Variants in WDR75 observed in about 807,000 individuals in gnomAD.
WDR75 encodes the protein WD repeat domain 75, also known as WD repeat-containing protein 75.
Under a neutral mutation model 106.1 loss-of-function variants are expected in WDR75, and 52 were observed. The observed-to-expected ratio is 0.49, with a 90% CI of 0.39 to 0.62. The LOEUF (loss-of-function observed/expected upper bound fraction) is 0.62, where lower values mean the gene tolerates loss of function less well. Among genes scored for constraint, WDR75 ranks in the 20% least tolerant of loss-of-function variants. The pLI is 0.00. For missense variants in WDR75, 905 were observed against 970.3 expected (o/e 0.93, Z 0.89); for synonymous variants, 333 against 335.5 (o/e 0.99, Z 0.08).
intron 8 of WDR75, 23 bp from the exon 9 acceptor site, chr2:189,462,461 A>G: frequency 6.2e-7 from 1 of 1,600,330 alleles, no homozygotes; most frequent in Non-Finnish European, 8.5e-7. Flanking sequence ...CCATCCTTTT[A>G]ATTTCCTTGA....
intron 1 of WDR75, among the ~76,000 whole-genome samples, chr2:189,443,035 A>G (rs1686419247): frequency 6.6e-6 from 1 of 152,234 alleles, no homozygotes; most frequent in African/African-American, 2.4e-5. Context: ...TCATTTTTTA[A>G]GTACTTGTCA....
chr2:189,459,459 G>A, intron 8 of WDR75, 35 bp downstream of exon 8: 1 of 1,555,570 alleles, frequency 6.4e-7, no homozygotes, highest in Non-Finnish European at 8.8e-7. Context: ...ATGAACTTTT[G>A]AAGATATGAT....
intron 4 of WDR75, 113 bp from the exon 5 acceptor site, chr2:189,455,207 C>T (rs1354898845): frequency 3.0e-6 from 4 of 1,328,550 alleles, no homozygotes; most frequent in Non-Finnish European, 4.0e-6. Context: ...CGCCACTGCA[C>T]TCCAGCCTGG....
In WDR75 at chr2:189,475,316, A is replaced by C; in HGVS notation, c.2392A>C (p.Thr798Pro). The change falls in exon 21 of 21, where the codon ACA becomes CCA. Residue 798 changes from threonine to proline, a missense_variant. Physicochemically the swap from Thr to Pro is conservative, Grantham distance 38. Transcript: ENST00000314761. ...FTEKVQDTSN[T>P]GLGEDIIHQL... ...CGAAAAAGTCCAGGATACAAGTAAC[A>C]CAGGTTTAGGAGAAGACATTATACA... 3 of 1,612,582 alleles carry C rather than the reference A, an allele frequency of 1.9e-6. No homozygotes were observed. The highest frequency in any genetic ancestry group is 2.5e-6 in the Non-Finnish European group (3 of 1,178,938).
chr2:189,467,529 C>T lies in WDR75; in HGVS notation c.1509C>T (p.Asn503=). ...VGSYHKYQAT[N]CCFSEDGSLL... ...GTTATCACAAGTATCAAGCAACTAA[C>T]TGTTGTTTCTCCGAAGATGGTTCTT... The change falls in exon 14 of 21, where the codon AAC becomes AAT. Residue 503 remains asparagine, a synonymous_variant. Coordinates refer to ENST00000314761, the MANE Select transcript of WDR75 (RefSeq NM_032168.3). 1 of 1,610,948 alleles carries T rather than the reference C, an allele frequency of 6.2e-7. No homozygotes were observed. Among genetic ancestry groups the T allele is most frequent in the Non-Finnish European group, 8.5e-7 (1 of 1,178,446 alleles).
At position 189,467,588 on chromosome 2, in the gene WDR75, T is replaced by C. The variant is rs1011735577; in HGVS notation, c.1568T>C (p.Ile523Thr). ...GTTAGTTTTGAGGAAATAGTCACAA[T>C]ATGGGATTCTGTAACATGGGAACTT... is the stretch of plus-strand genomic sequence containing the variant. ...LAVSFEEIVT[I>T]WDSVTWELKC... The change falls in exon 14 of 21, where the codon ATA (isoleucine) becomes ACA (threonine). Residue 523 changes from isoleucine to threonine, a missense_variant. Physicochemically the swap from Ile to Thr is moderately conservative, Grantham distance 89 (BLOSUM62 -1). Coordinates refer to ENST00000314761, the MANE Select transcript of WDR75 (RefSeq NM_032168.3). 4.3e-6 allele frequency: 7 copies of C among 1,610,040 alleles called. No homozygotes were observed. The highest frequency in any genetic ancestry group is 1.1e-5 in the South Asian group (1 of 89,990).
In WDR75 at chr2:189,475,226, C is replaced by G. The variant is rs1356449022; in HGVS notation, c.2302C>G (p.Pro768Ala). ...TTATTGTTAAAGTGCTAAGGAAATT[C>G]CTGAAGATGTAGATATGGAAGAAGA... ...SKETKSAKEIPEDVDMEEEKE... is the reference protein window; with the variant it reads ...SKETKSAKEIAEDVDMEEEKE... The change falls in exon 21 of 21, where the codon CCT (proline) becomes GCT (alanine). Residue 768 changes from proline to alanine, a missense_variant. Coordinates refer to ENST00000314761, the MANE Select transcript of WDR75 (RefSeq NM_032168.3). The G allele has an allele frequency of 6.2e-7, 1 of 1,607,294 alleles. No individual in the cohort carries two copies. Among genetic ancestry groups the G allele is most frequent in the Non-Finnish European group, 8.5e-7 (1 of 1,176,996 alleles).
intron 9 of WDR75, 71 bp from the exon 10 acceptor site, chr2:189,463,623 C>A: frequency 6.6e-7 from 1 of 1,504,894 alleles, no homozygotes; most frequent in African/African-American, 1.4e-5. Flanking sequence ...AAAAAGCCAC[C>A]CTGAGCCACA....
At chr2:189,468,133 T>G (rs1687042402) in intron 14 of WDR75, among the ~76,000 whole-genome samples, 1 of 152,150 alleles carries the variant, frequency 6.6e-6, no homozygotes, top group Non-Finnish European at 1.5e-5. Flanking sequence ...TTGTAAAACT[T>G]TCTTCACAAT....
At chr2:189,468,410 G>A in intron 14 of WDR75, 65 bp from the exon 15 acceptor site, 1 of 1,442,130 alleles carries the variant, frequency 6.9e-7, no homozygotes, top group East Asian at 2.3e-5. Context: ...CTGGAAGCCT[G>A]CAGTTCTTTG....
intron 1 of WDR75, among the ~76,000 whole-genome samples, chr2:189,445,432 G>T (rs1686476884): frequency 6.6e-6 from 1 of 152,108 alleles, no homozygotes; most frequent in African/African-American, 2.4e-5. Flanking sequence ...CATTAGGACG[G>T]GTGCTGATCT....
chr2:189,468,653 C>G, intron 15 of WDR75, 84 bp downstream of exon 15: 1 of 1,361,076 alleles, frequency 7.3e-7, no homozygotes. Context: ...ACTTAGGGAT[C>G]ATATCATCAG....
chr2:189,466,379 A>G, intron 12 of WDR75, 46 bp from the exon 13 acceptor site: 1 of 1,598,666 alleles, frequency 6.3e-7, no homozygotes, highest in East Asian at 2.2e-5. Flanking sequence ...TATATACATC[A>G]CTTTGTCCTC....
intron 2 of WDR75, 26 bp from the exon 3 acceptor site, chr2:189,450,877 A>C: frequency 6.3e-7 from 1 of 1,593,776 alleles, no homozygotes; most frequent in Non-Finnish European, 8.5e-7. Context: ...TTTTTAAATC[A>C]ATTTTGTATT....
At chr2:189,450,624 A>G in intron 2 of WDR75, 1 of 1,219,996 alleles carries the variant, frequency 8.2e-7, no homozygotes, top group Non-Finnish European at 1.0e-6. Context: ...GGTGCTTTTC[A>G]TATCTCATTC....
In WDR75 at chr2:189,467,623, T is replaced by G. The variant is rs1281902981; in HGVS notation, c.1603T>G (p.Phe535Val). The G allele has an allele frequency of 1.2e-6, 2 of 1,600,934 alleles. No individual in the cohort carries two copies. Among genetic ancestry groups the G allele is most frequent in the South Asian group, 2.3e-5 (2 of 87,990 alleles). The change falls in exon 14 of 21, where the codon TTT (phenylalanine) becomes GTT (valine). Residue 535 changes from phenylalanine to valine, a missense_variant. Physicochemically the swap from Phe to Val is conservative, Grantham distance 50. Coordinates refer to ENST00000314761, the MANE Select transcript of WDR75 (RefSeq NM_032168.3). ...TGTAACATGGGAACTTAAATGTACA[T>G]TTTGCCAACGAGCTGGGAAAATAAG... The part of the protein sequence containing the change: ...DSVTWELKCT[F>V]CQRAGKIRHL...
chr2:189,469,534 T>A, intron 16 of WDR75, 95 bp downstream of exon 16: 1 of 1,038,262 alleles, frequency 9.6e-7, no homozygotes, highest in South Asian at 1.4e-5. Context: ...ACATCAGATG[T>A]TAATTGGAAG....
At chr2:189,462,901 A>G (rs372464604) in intron 9 of WDR75, among the ~76,000 whole-genome samples, 1 of 152,152 alleles carries the variant, frequency 6.6e-6, no homozygotes, top group African/African-American at 2.4e-5. Flanking sequence ...TACATTTTCA[A>G]AGTCTTTTAG....
Position 189,475,546 on chromosome 2 carries a change from T to A in WDR75, c.*129T>A, listed in dbSNP as rs1269860595. The A allele has an allele frequency of 1.5e-5, 9 of 596,128 alleles. No individual in the cohort carries two copies. Among genetic ancestry groups the A allele is most frequent in the Admixed American group, 1.1e-4 (3 of 27,218 alleles). The allele number at this position is 596,128 out of a possible 1,614,324, so 36.9% of individuals were successfully genotyped here. A position where few individuals can be genotyped will look rare whatever the true frequency, so the allele number is the denominator to read the frequency against. On this transcript the variant is annotated 3_prime_UTR_variant, in exon 21 of 21. Transcript: ENST00000314761. Reference sequence around the variant, plus strand: ...TAAATATTAACAAACTTTGCTTTTTTAAAAAACTGATAATATGAACATGTA... The same window carrying A: ...TAAATATTAACAAACTTTGCTTTTTAAAAAAACTGATAATATGAACATGTA...
Sources: gnomAD v4.1 joint callset for allele counts (sites outside exome capture counted in the v4.1 genomes callset) on GRCh38, gnomAD v4.1.1 for gene constraint, MANE v1.5 for transcripts, NCBI Gene and HGNC (gene_info 2026-07-23, HGNC 2026-07-21) for gene names.